The following LRRK1 variants were observed in gnomAD, a reference collection of about 807,000 sequenced individuals.
LRRK1 encodes the protein leucine rich repeat kinase 1.
Under a neutral mutation model 209.1 loss-of-function variants are expected in LRRK1, and 113 were observed. The observed-to-expected ratio is 0.54, with a 90% CI of 0.46 to 0.63. The LOEUF is 0.63. Ranked by LOEUF, LRRK1 falls within the 30% of genes least tolerant of loss-of-function variation. The pLI, the probability that LRRK1 is intolerant of heterozygous loss-of-function variation, is 0.00. For missense variants in LRRK1, 2,284 were observed against 2,632.2 expected (o/e 0.87, Z 2.89); for synonymous variants, 1,144 against 1,099.7 (o/e 1.04, Z -0.80).
intron 9 of LRRK1, among the ~76,000 whole-genome samples, chr15:101,011,459 A>C (rs1555467771): frequency 6.7e-6 from 1 of 148,166 alleles, no homozygotes; most frequent in Non-Finnish European, 1.5e-5. Context: ...CTGGTGACAG[A>C]GCAAGACTCT....
intron 1 of LRRK1, among the ~76,000 whole-genome samples, chr15:100,922,310 T>A (rs903597619): frequency 6.6e-6 from 1 of 152,148 alleles, no homozygotes; most frequent in Non-Finnish European, 1.5e-5. Flanking sequence ...TAAGCCAAAA[T>A]AGTAACTAGA....
At position 100,983,519 on chromosome 15, in the gene LRRK1, T is replaced by A. The variant is rs1253369297; in HGVS notation, c.262-9T>A. On this transcript the variant is annotated splice_polypyrimidine_tract_variant and intron_variant, in intron 3 of 33. Coordinates refer to ENST00000388948, the MANE Select transcript of LRRK1 (RefSeq NM_024652.6). ...CAGTCTCACTGGAGCCCTGTTCTGTTTTGACCAGGGCCAGCTTCTGAGCAT... is the reference window on the plus strand; with the variant it reads ...CAGTCTCACTGGAGCCCTGTTCTGTATTGACCAGGGCCAGCTTCTGAGCAT... 1 of 1,583,770 alleles carries A rather than the reference T, an allele frequency of 6.3e-7. No individual in the cohort carries two copies. The highest frequency in any genetic ancestry group is 8.6e-7 in the Non-Finnish European group (1 of 1,163,218).
At chr15:100,978,551 C>T (rs1366458472) in intron 3 of LRRK1, among the ~76,000 whole-genome samples, 1 of 152,012 alleles carries the variant, frequency 6.6e-6, no homozygotes, top group Non-Finnish European at 1.5e-5. Flanking sequence ...AAATCACCAA[C>T]GTCAGAAGGG....
At chr15:100,989,003 G>A (rs552009508) in intron 5 of LRRK1, among the ~76,000 whole-genome samples, 190 bp downstream of exon 5, 4 of 152,180 alleles carry the variant, frequency 2.6e-5, no homozygotes, top group Admixed American at 6.5e-5. Context: ...ACTTGCCCCC[G>A]CAAGGGGATT....
At position 101,061,200 on chromosome 15, in the gene LRRK1, G is replaced by A; in HGVS notation, c.4709G>A (p.Gly1570Asp). The change falls in exon 30 of 34, where the codon GGC becomes GAC. Residue 1570 changes from glycine to aspartate, a missense_variant. By Grantham distance (94) the Gly-to-Asp change is moderately conservative. Transcript: ENST00000388948. ...RNYTVVNTEK[G>D]LMEVQRMCCP... ...TACACGGTGGTGAACACAGAGAAGG[G>A]CCTCATGGAGGTGCAGAGGATGTGC... The A allele has an allele frequency of 1.9e-6, 3 of 1,614,076 alleles. No homozygotes were observed. Among genetic ancestry groups the A allele is most frequent in the Non-Finnish European group, 2.5e-6 (3 of 1,179,960 alleles).
intron 4 of LRRK1, 44 bp from the exon 5 acceptor site, chr15:100,988,590 A>T (rs1198475471): frequency 6.3e-7 from 1 of 1,597,826 alleles, no homozygotes; most frequent in Admixed American, 1.7e-5. Context: ...AACAAACAGC[A>T]CCCTTCAGTG....
Position 100,919,884 on chromosome 15 carries a change from G to C in LRRK1, c.-123+433G>C, listed in dbSNP as rs575168708. On this transcript the variant is annotated intron_variant, in intron 1 of 33. Coordinates refer to ENST00000388948, the MANE Select transcript of LRRK1 (RefSeq NM_024652.6). The surrounding 1 kb of genome is among the most constrained non-coding windows in gnomAD (Gnocchi z 5.8). The stretch of plus-strand genomic sequence containing the variant: ...CCCAGTCCCTTAGCGGGGAGCGGGC[G>C]GAGTGTGAGCGCGCGGGTGAGCCCG... The C allele has an allele frequency of 6.6e-6, 1 of 152,422 alleles. No homozygotes were observed. Among genetic ancestry groups the C allele is most frequent in the Non-Finnish European group, 1.5e-5 (1 of 68,214 alleles). 9.4% of individuals were successfully genotyped at this position (152,422 alleles called of 1,614,324 possible). A position where few individuals can be genotyped will look rare whatever the true frequency, so the allele number is the denominator to read the frequency against.
intron 3 of LRRK1, among the ~76,000 whole-genome samples, chr15:100,978,713 A>C (rs1175176749): frequency 6.6e-6 from 1 of 152,220 alleles, no homozygotes; most frequent in Non-Finnish European, 1.5e-5. Context: ...GAAATGCATA[A>C]TTTGAATAGC....
At chr15:101,019,376 A>G in intron 12 of LRRK1, among the ~76,000 whole-genome samples, 1 of 152,138 alleles carries the variant, frequency 6.6e-6, no homozygotes, top group East Asian at 1.9e-4. Context: ...TTTTTCATTG[A>G]AGGAAAAAAA....
intron 2 of LRRK1, among the ~76,000 whole-genome samples, chr15:100,972,363 A>AGAGAGAGAGTGTGT (rs1176201849): frequency 1.5e-4 from 15 of 98,496 alleles, no homozygotes; most frequent in South Asian, 1.4e-3. Context: ...AGAGAGAGAG[A>AGAGAGAGAGTGTGT]GTGTGTGTGT....
At chr15:101,013,593 A>T (rs1365077169) in intron 10 of LRRK1, among the ~76,000 whole-genome samples, 1 of 152,198 alleles carries the variant, frequency 6.6e-6, no homozygotes, top group Non-Finnish European at 1.5e-5. Context: ...CAGCCTAAGA[A>T]ACAGAGCGAG....
intron 4 of LRRK1, among the ~76,000 whole-genome samples, chr15:100,987,883 G>A (rs1361401364): frequency 2.0e-5 from 3 of 152,186 alleles, no homozygotes; most frequent in Non-Finnish European, 4.4e-5. Flanking sequence ...GAGGGCAGGG[G>A]AGAGCCCAGA....
At chr15:100,927,567 A>G (rs1255207583) in intron 2 of LRRK1, among the ~76,000 whole-genome samples, 4 of 152,194 alleles carry the variant, frequency 2.6e-5, no homozygotes, top group Non-Finnish European at 5.9e-5. Flanking sequence ...CAGGGAAGTG[A>G]CACCCTGGGA....
At position 100,937,814 on chromosome 15, in the gene LRRK1, C is replaced by T. The variant is rs560262646; in HGVS notation, c.97+13085C>T. Among the ~76,000 whole-genome samples, 19 of 151,998 alleles carry T rather than the reference C, an allele frequency of 1.3e-4. No individual in the cohort carries two copies. The South Asian group carries it at 2.5e-3, about 20-fold the overall frequency. ...CCTCCCAAAGTGCTGGGATTACCGG[C>T]GTGAGCCACTGCGCCCAGCCTATTT... On this transcript the variant is annotated intron_variant, in intron 2 of 33. Coordinates refer to ENST00000388948, the MANE Select transcript of LRRK1 (RefSeq NM_024652.6).
chr15:101,043,733 A>G (rs954082992), intron 20 of LRRK1: 2 of 152,218 alleles, frequency 1.3e-5, no homozygotes, highest in Admixed American at 6.5e-5. Flanking sequence ...ATGAATCCCA[A>G]CTACCTTCTT....
chr15:101,064,089 C>T (rs915423313), intron 31 of LRRK1, among the ~76,000 whole-genome samples: 1 of 152,272 alleles, frequency 6.6e-6, no homozygotes, highest in Non-Finnish European at 1.5e-5. Flanking sequence ...CGCGCACCCA[C>T]GTTCACACCC....
intron 2 of LRRK1, among the ~76,000 whole-genome samples, chr15:100,927,904 A>C (rs892537496): frequency 6.6e-6 from 1 of 152,192 alleles, no homozygotes; most frequent in African/African-American, 2.4e-5. Flanking sequence ...CCCTCTGTAA[A>C]GCCCAATTTT....
chr15:101,073,147 C>A lies in LRRK1; in HGVS notation c.*4299C>A, dbSNP rs1427863261. The A allele has an allele frequency of 6.5e-6, 1 of 153,754 alleles. No individual in the cohort carries two copies. Among genetic ancestry groups the A allele is most frequent in the African/African-American group, 2.4e-5 (1 of 41,484 alleles). 9.5% of individuals were successfully genotyped at this position (153,754 alleles called of 1,614,324 possible). ...CCTCACTATCCCTCAACCTCTTTCT[C>A]CTTTCAATCTTGGCGCCACACTTCA... On this transcript the variant is annotated 3_prime_UTR_variant, in exon 34 of 34. Coordinates refer to ENST00000388948, the MANE Select transcript of LRRK1 (RefSeq NM_024652.6).
intron 10 of LRRK1, among the ~76,000 whole-genome samples, chr15:101,012,756 A>G (rs2033328024): frequency 6.6e-6 from 1 of 152,220 alleles, no homozygotes. Flanking sequence ...GACCCCCACA[A>G]GGCAGCGAAG....
Sources: gnomAD v4.1 joint callset for allele counts (sites outside exome capture counted in the v4.1 genomes callset) on GRCh38, gnomAD v4.1.1 for gene constraint, Gnocchi (gnomAD v3.1) non-coding constraint, MANE v1.5 for transcripts, NCBI Gene and HGNC (gene_info 2026-07-23, HGNC 2026-07-21) for gene names.